Variants in RGS5 observed in about 807,000 individuals in gnomAD.
The protein encoded by RGS5 is regulator of G protein signaling 5.
A neutral mutation model predicts 18.9 loss-of-function variants in RGS5; 20 were observed. The ratio of observed to expected loss-of-function variants is 1.06; its 90% confidence interval spans 0.74 to 1.54. The LOEUF (loss-of-function observed/expected upper bound fraction) is 1.54. Among genes scored for constraint, RGS5 ranks in the 40% most tolerant of loss-of-function variants. The probability of loss-of-function intolerance (pLI) is 0.00; values close to 1 mark genes in which losing one functional copy is unlikely to be tolerated. For missense variants in RGS5, 201 were observed against 211.8 expected, an observed-to-expected ratio of 0.95 and a Z score of 0.32; for synonymous variants, 57 against 76.2, an observed-to-expected ratio of 0.75 and a Z score of 1.31.
chr1:163,163,893 G>C (rs79468629), intron 2 of RGS5, among the ~76,000 whole-genome samples: 1 of 152,140 alleles, frequency 6.6e-6, no homozygotes, highest in African/African-American at 2.4e-5. Context: ...CTTTTCCTCT[G>C]GTTAGTATAG....
At chr1:163,180,686 GTTTTTTTTTTTTT>G (rs1026995196) in intron 1 of RGS5, among the ~76,000 whole-genome samples, 2 of 61,964 alleles carry the variant, frequency 3.2e-5, no homozygotes, top group Non-Finnish European at 6.0e-5. Context: ...CCCTTACCCT[GTTTTTTTTTTTTT>G]TTTTTTTTTT....
At chr1:163,247,685 G>C (rs1394957027) in intron 2 of RGS5, among the ~76,000 whole-genome samples, 2 of 150,886 alleles carry the variant, frequency 1.3e-5, no homozygotes, top group Non-Finnish European at 3.0e-5. Context: ...ATAACTTTTT[G>C]ATAGTGATAT....
chr1:163,220,602 G>A (rs1647209210), upstream of RGS5, among the ~76,000 whole-genome samples: 1 of 152,160 alleles, frequency 6.6e-6, no homozygotes, highest in South Asian at 2.1e-4. Flanking sequence ...CAGAATTGAT[G>A]CTGTGCTCTT....
intron 1 of RGS5, among the ~76,000 whole-genome samples, chr1:163,196,727 C>T (rs1659577041): frequency 6.6e-6 from 1 of 152,104 alleles, no homozygotes. Context: ...GAAATGCAGA[C>T]AGTCTCCTTC....
intron 2 of RGS5, among the ~76,000 whole-genome samples, chr1:163,241,883 T>C (rs1235721469): frequency 1.3e-5 from 2 of 152,188 alleles, no homozygotes; most frequent in African/African-American, 4.8e-5. Context: ...CCTGGGGATA[T>C]AATCAGTCTT....
intron 2 of RGS5, among the ~76,000 whole-genome samples, chr1:163,247,771 T>C (rs1317348886): frequency 6.6e-6 from 1 of 152,126 alleles, no homozygotes. Context: ...TGTTCTCTCA[T>C]AGAGCCACCA....
chr1:163,270,352 GAAAAAAAA>G (rs59181379), intron 2 of RGS5, among the ~76,000 whole-genome samples: 1 of 94,700 alleles, frequency 1.1e-5, no homozygotes, highest in Non-Finnish European at 2.0e-5. Flanking sequence ...TCTCTATTGA[GAAAAAAAA>G]AAAAAAAAAA....
chr1:163,172,734 T>G, intron 1 of RGS5: 1 of 937,944 alleles, frequency 1.1e-6, no homozygotes, highest in Non-Finnish European at 1.5e-6. Context: ...TTAAATTTAA[T>G]TAGGAGTTCA....
At chr1:163,175,340 T>G (rs953156293) in intron 1 of RGS5, among the ~76,000 whole-genome samples, 4 of 152,108 alleles carry the variant, frequency 2.6e-5, no homozygotes, top group African/African-American at 9.7e-5. Context: ...AGAGGGAGAA[T>G]GCATTTTGCT....
chr1:163,211,858 C>T (rs1660114394), intron 1 of RGS5: 1 of 151,992 alleles, frequency 6.6e-6, no homozygotes, highest in African/African-American at 2.4e-5. Context: ...TCAGTAGTGG[C>T]CATTAAAAAA....
At chr1:163,234,143 T>C (rs1355379137) in intron 2 of RGS5, among the ~76,000 whole-genome samples, 2 of 152,224 alleles carry the variant, frequency 1.3e-5, no homozygotes, top group Admixed American at 6.5e-5. Context: ...TAAGATCACA[T>C]ATGCTTGCCT....
At chr1:163,245,387 G>T (rs1423242911) in intron 2 of RGS5, among the ~76,000 whole-genome samples, 2 of 152,096 alleles carry the variant, frequency 1.3e-5, no homozygotes, top group Admixed American at 1.3e-4. Context: ...ATTTTCTTTT[G>T]AAGTTTCACA....
chr1:163,198,453 G>A (rs1392282841), intron 1 of RGS5, among the ~76,000 whole-genome samples: 3 of 151,948 alleles, frequency 2.0e-5, no homozygotes, highest in Non-Finnish European at 2.9e-5. Flanking sequence ...AGATTTTTGA[G>A]ACTATTGCTC....
At chr1:163,277,061 C>T (rs1032119613) in intron 2 of RGS5, among the ~76,000 whole-genome samples, 127 of 152,314 alleles carry the variant, frequency 8.3e-4, no homozygotes, top group African/African-American at 3.0e-3. Context: ...CTGAAGCCTG[C>T]TACCAGGAGG....
At chr1:163,290,267 C>T (rs1027204345) in intron 2 of RGS5, among the ~76,000 whole-genome samples, 9 of 152,160 alleles carry the variant, frequency 5.9e-5, no homozygotes, top group South Asian at 2.1e-4. Context: ...TCTTTTCTTT[C>T]GCCTATTAAA....
chr1:163,154,749 T>G (rs1369142228), intron 3 of RGS5, among the ~76,000 whole-genome samples: 2 of 151,580 alleles, frequency 1.3e-5, no homozygotes, highest in Non-Finnish European at 2.9e-5. Flanking sequence ...TTAGCATAAG[T>G]GCTAAAAGAA....
upstream of RGS5, among the ~76,000 whole-genome samples, chr1:163,219,109 T>C (rs1343636107): frequency 7.7e-6 from 1 of 129,340 alleles, no homozygotes; most frequent in Non-Finnish European, 1.7e-5. Flanking sequence ...TGTATTTGTC[T>C]TACTCTTTAT....
chr1:163,152,327 G>C, intron 4 of RGS5: 1 of 419,374 alleles, frequency 2.4e-6, no homozygotes, highest in Non-Finnish European at 4.3e-6. Context: ...CTGGAGGTTA[G>C]TGGAGGTGAG....
At chr1:163,298,457 T>C (rs557791203) in intron 2 of RGS5, among the ~76,000 whole-genome samples, 2 of 152,230 alleles carry the variant, frequency 1.3e-5, no homozygotes, top group South Asian at 2.1e-4. Context: ...GAAGTTTTTA[T>C]AGCATCCTGA....
Sources: allele counts gnomAD v4.1 joint callset (sites outside exome capture counted in the v4.1 genomes callset), GRCh38; gene constraint gnomAD v4.1.1; transcripts MANE v1.5; gene names NCBI Gene and HGNC (gene_info 2026-07-23, HGNC 2026-07-21).